SAMMSON: variants seen among roughly 807,000 people sequenced by gnomAD.
SAMMSON encodes survival associated mitochondrial melanoma specific oncogenic non-coding RNA.
At chr3:70,069,085 G>T (rs920873572) in intron 3 of SAMMSON, 4 of 152,004 alleles carry the variant, frequency 2.6e-5, no homozygotes, top group African/African-American at 9.7e-5. Flanking sequence ...ATTTTGCGGG[G>T]ATGCCTACTG....
At chr3:70,330,565 A>G (rs978318508) in intron 7 of SAMMSON, among the ~76,000 whole-genome samples, 4 of 152,076 alleles carry the variant, frequency 2.6e-5, no homozygotes, top group Non-Finnish European at 5.9e-5. Flanking sequence ...TATTCATTCA[A>G]ACATTCCTTC....
At chr3:70,131,330 AC>A (rs2067481879) in intron 4 of SAMMSON, among the ~76,000 whole-genome samples, 1 of 152,148 alleles carries the variant, frequency 6.6e-6, no homozygotes, top group Non-Finnish European at 1.5e-5. Flanking sequence ...GAAGAAAGAG[AC>A]TTCTGTGGTT....
At chr3:70,076,450 G>A (rs1365929947) in intron 4 of SAMMSON, among the ~76,000 whole-genome samples, 1 of 152,114 alleles carries the variant, frequency 6.6e-6, no homozygotes, top group Non-Finnish European at 1.5e-5. Context: ...TTTGCAAGAG[G>A]CAATTCTTCC....
chr3:70,347,119 C>T (rs1480744913), intron 7 of SAMMSON, among the ~76,000 whole-genome samples: 1 of 152,100 alleles, frequency 6.6e-6, no homozygotes, highest in Non-Finnish European at 1.5e-5. Flanking sequence ...CTGCAATGTA[C>T]GGAAATCAAT....
chr3:70,312,095 G>A, intron 7 of SAMMSON: 1 of 389,972 alleles, frequency 2.6e-6, no homozygotes, highest in African/African-American at 2.1e-5. Context: ...TAGTTTTTCA[G>A]TTCACTGTCC....
chr3:70,227,649 C>T (rs547846184), intron 4 of SAMMSON, among the ~76,000 whole-genome samples: 8 of 152,304 alleles, frequency 5.3e-5, no homozygotes, highest in African/African-American at 1.9e-4. Flanking sequence ...TTTGCACCAA[C>T]CTAATAATAC....
chr3:70,224,818 G>A (rs1701489007), intron 4 of SAMMSON, among the ~76,000 whole-genome samples: 2 of 151,780 alleles, frequency 1.3e-5, no homozygotes, highest in Admixed American at 6.6e-5. Flanking sequence ...TGTAATTTTT[G>A]CAGTTTCCCC....
chr3:70,410,178 G>T (rs916078122), intron 2 of SAMMSON, among the ~76,000 whole-genome samples: 1 of 152,090 alleles, frequency 6.6e-6, no homozygotes, highest in South Asian at 2.1e-4. Flanking sequence ...GCCTCATGCT[G>T]TCGGCATCCA....
At chr3:69,999,644 C>G (rs998673005), upstream of SAMMSON, 1 of 152,266 alleles carries the variant, frequency 6.6e-6, no homozygotes, top group Non-Finnish European at 1.5e-5. Flanking sequence ...CTCCTGCTTT[C>G]CCGCCCAAAT....
At chr3:70,184,815 C>A (rs1255499366) in intron 4 of SAMMSON, among the ~76,000 whole-genome samples, 1 of 152,138 alleles carries the variant, frequency 6.6e-6, no homozygotes, top group Non-Finnish European at 1.5e-5. Context: ...GGCAAAATAC[C>A]TCTCAGCACA....
chr3:70,245,671 T>TTA (rs34480688), intron 4 of SAMMSON, among the ~76,000 whole-genome samples: 9,883 of 56,790 alleles, frequency 0.17, 1,037 homozygotes, highest in Non-Finnish European at 0.22. Flanking sequence ...GCAAACTGCT[T>TTA]TATATATATA....
intron 4 of SAMMSON, among the ~76,000 whole-genome samples, chr3:70,139,262 C>T (rs904987193): frequency 2.6e-5 from 4 of 152,124 alleles, no homozygotes; most frequent in Non-Finnish European, 5.9e-5. Context: ...GTCTTGAACT[C>T]CTGGCCTCAA....
chr3:70,217,185 C>A (rs1182653556), intron 4 of SAMMSON, among the ~76,000 whole-genome samples: 2 of 151,982 alleles, frequency 1.3e-5, no homozygotes, highest in Non-Finnish European at 2.9e-5. Context: ...CCTGGGAGAC[C>A]GTAGGTACTC....
chr3:70,415,634 C>T (rs913296130), intron 2 of SAMMSON, among the ~76,000 whole-genome samples: 1 of 152,130 alleles, frequency 6.6e-6, no homozygotes, highest in Non-Finnish European at 1.5e-5. Context: ...GTAATATGTT[C>T]TAACAATTGT....
chr3:70,405,753 G>A (rs1201659361), intron 2 of SAMMSON, among the ~76,000 whole-genome samples: 3 of 152,146 alleles, frequency 2.0e-5, no homozygotes, highest in African/African-American at 7.2e-5. Flanking sequence ...GGAAGGAGAG[G>A]GTAGAGTAGA....
intron 4 of SAMMSON, chr3:70,075,335 T>A (rs922723878): frequency 1.3e-5 from 2 of 152,132 alleles, no homozygotes; most frequent in African/African-American, 2.4e-5. Flanking sequence ...ATATTTATGT[T>A]GTTACTCATG....
intron 9 of SAMMSON, among the ~76,000 whole-genome samples, chr3:70,380,332 A>G (rs1234201553): frequency 3.9e-5 from 6 of 152,126 alleles, no homozygotes; most frequent in African/African-American, 1.4e-4. Context: ...AAAAAGAGAT[A>G]CGAGTACAAA....
chr3:70,407,456 G>T (rs1701185648), intron 2 of SAMMSON, among the ~76,000 whole-genome samples: 1 of 152,156 alleles, frequency 6.6e-6, no homozygotes, highest in South Asian at 2.1e-4. Context: ...ACAGGTATTG[G>T]TAAATACAGC....
At chr3:70,434,019 A>G (rs1312281414) in intron 2 of SAMMSON, among the ~76,000 whole-genome samples, 1 of 152,172 alleles carries the variant, frequency 6.6e-6, no homozygotes, top group Non-Finnish European at 1.5e-5. Flanking sequence ...TTCTTTCACT[A>G]ATACCACACT....
Sources: allele counts gnomAD v4.1 joint callset (sites outside exome capture counted in the v4.1 genomes callset), GRCh38; gene constraint gnomAD v4.1.1; transcripts MANE v1.5; gene names NCBI Gene and HGNC (gene_info 2026-07-23, HGNC 2026-07-21).